The following FOXN3 variants were observed in gnomAD, a reference collection of about 807,000 sequenced individuals.
FOXN3 encodes forkhead box N3, also known as forkhead box protein N3.
In FOXN3, 7 loss-of-function variants were observed where a neutral mutation model predicts 38.4. The ratio of observed to expected loss-of-function variants is 0.18; its 90% CI spans 0.10 to 0.34. The LOEUF (loss-of-function observed/expected upper bound fraction) is 0.34. FOXN3 is among the 10% of genes least tolerant of loss of function. FOXN3 has a pLI of 1.00. For missense variants in FOXN3, 456 were observed against 613.4 expected, an observed-to-expected ratio of 0.74 and a Z score of 2.71; for synonymous variants, 230 against 242.2, an observed-to-expected ratio of 0.95 and a Z score of 0.47.
chr14:89,508,382 T>G (rs1002362752), intron 1 of FOXN3, among the ~76,000 whole-genome samples: 1 of 152,146 alleles, frequency 6.6e-6, no homozygotes, highest in Non-Finnish European at 1.5e-5. Flanking sequence ...AAAGAACATC[T>G]TCTCTGAGCA....
chr14:89,299,404 T>C (rs1027046971), intron 3 of FOXN3, among the ~76,000 whole-genome samples: 4 of 152,212 alleles, frequency 2.6e-5, no homozygotes, highest in African/African-American at 9.6e-5. Flanking sequence ...TTAAACCTCT[T>C]TCCTTTACAA....
intron 4 of FOXN3, among the ~76,000 whole-genome samples, chr14:89,278,361 T>C (rs1224894996): frequency 6.6e-6 from 1 of 152,038 alleles, no homozygotes; most frequent in Non-Finnish European, 1.5e-5. Context: ...ACCTAGGAAT[T>C]ATGGGAGCTA....
chr14:89,260,759 T>C (rs74814298), intron 4 of FOXN3, among the ~76,000 whole-genome samples: 7,767 of 152,344 alleles, frequency 0.051, 651 homozygotes, highest in African/African-American at 0.18. Flanking sequence ...CTGCCATTTG[T>C]ATGTTTGCAT....
chr14:89,282,872 T>C (rs548141044), intron 3 of FOXN3, among the ~76,000 whole-genome samples: 1 of 152,310 alleles, frequency 6.6e-6, no homozygotes, highest in East Asian at 1.9e-4. Flanking sequence ...TAAGGAAAAT[T>C]CTCTGTATGA....
In FOXN3 at chr14:89,163,960, C is replaced by T. The variant is rs963558720; in HGVS notation, c.852-991G>A. On this transcript the variant is annotated intron_variant, in intron 5 of 5. Coordinates refer to ENST00000557258, the MANE Select transcript of FOXN3 (RefSeq NM_005197.4). This position sits in a 1 kb window ranked among gnomAD's most constrained non-coding sequence, Gnocchi z 4.3. The stretch of plus-strand genomic sequence containing the variant: ...TAAGGCGTCTGTAGCACTCATCACA[C>T]CTCTGATTATTTCTTTGTGTCTTTA... Among the ~76,000 whole-genome samples, 1 of 152,240 alleles carries T rather than the reference C, an allele frequency of 6.6e-6. No individual in the cohort carries two copies. Among genetic ancestry groups the T allele is most frequent in the East Asian group, 1.9e-4 (1 of 5,194 alleles).
At chr14:89,405,492 G>A (rs538843705) in intron 2 of FOXN3, among the ~76,000 whole-genome samples, 14 of 152,188 alleles carry the variant, frequency 9.2e-5, no homozygotes, top group Middle Eastern at 3.4e-3. Context: ...GAGAGCAAAC[G>A]TGAAGAGAAC....
At chr14:89,231,753 T>G (rs903425034) in intron 4 of FOXN3, among the ~76,000 whole-genome samples, 4 of 152,064 alleles carry the variant, frequency 2.6e-5, no homozygotes, top group African/African-American at 9.7e-5. Context: ...CTGCCTACCT[T>G]GCGGTGCCTC....
At chr14:89,378,357 C>A (rs1423524787) in intron 2 of FOXN3, among the ~76,000 whole-genome samples, 1 of 152,174 alleles carries the variant, frequency 6.6e-6, no homozygotes. Context: ...GGCTCTCTCT[C>A]GTGCACCCAC....
intron 3 of FOXN3, among the ~76,000 whole-genome samples, chr14:89,325,104 T>C (rs1888011730): frequency 6.6e-6 from 1 of 152,104 alleles, no homozygotes; most frequent in African/African-American, 2.4e-5. Context: ...ATGTGGCTAG[T>C]GACTACACAG....
At chr14:89,480,929 T>C (rs1212216530) in intron 1 of FOXN3, among the ~76,000 whole-genome samples, 1 of 152,160 alleles carries the variant, frequency 6.6e-6, no homozygotes, top group African/African-American at 2.4e-5. Context: ...CCATGTTTCG[T>C]TCATTTTTCA....
intron 4 of FOXN3, among the ~76,000 whole-genome samples, chr14:89,219,963 A>G (rs894357612): frequency 6.6e-6 from 1 of 152,124 alleles, no homozygotes; most frequent in African/African-American, 2.4e-5. Flanking sequence ...AGAACTAATC[A>G]TCGGTCTGCA....
intron 3 of FOXN3, among the ~76,000 whole-genome samples, chr14:89,337,636 C>CTTTTTTT (rs5810454): frequency 6.9e-6 from 1 of 144,858 alleles, no homozygotes; most frequent in African/African-American, 2.5e-5. Context: ...CTTTTCTTTT[C>CTTTTTTT]TTTTTTTTTT....
chr14:89,513,501 T>C (rs550592474), intron 1 of FOXN3, among the ~76,000 whole-genome samples: 22 of 152,218 alleles, frequency 1.4e-4, no homozygotes, highest in African/African-American at 4.8e-4. Flanking sequence ...CAACTTCCCA[T>C]AGTGCTGGGA....
At chr14:89,206,225 C>G (rs1342995409) in intron 4 of FOXN3, among the ~76,000 whole-genome samples, 1 of 152,262 alleles carries the variant, frequency 6.6e-6, no homozygotes, top group Admixed American at 6.5e-5. Context: ...AGCACAAACA[C>G]TAAGTAAGTG....
intron 1 of FOXN3, among the ~76,000 whole-genome samples, chr14:89,556,743 A>G (rs1566698769): frequency 6.6e-6 from 1 of 152,108 alleles, no homozygotes; most frequent in Non-Finnish European, 1.5e-5. Flanking sequence ...GATTCAACCT[A>G]AGATATTGAT....
chr14:89,350,750 T>A lies in FOXN3; in HGVS notation c.602A>T (p.Gln201Leu). 6.2e-7 allele frequency: 1 copy of A among 1,605,662 alleles called. No individual in the cohort carries two copies. The highest frequency in any genetic ancestry group is 8.5e-7 in the Non-Finnish European group (1 of 1,176,938). Residue 201 changes from glutamine to leucine, a missense_variant, in exon 3 of 6, where the codon CAG (glutamine) becomes CTG (leucine). Gln to Leu is a moderately radical substitution (Grantham distance 113, BLOSUM62 -2). This residue lies in a region of FOXN3 where 386 missense variants were observed against 505.2 expected (regional missense o/e 0.76). Coordinates refer to ENST00000557258, the MANE Select transcript of FOXN3 (RefSeq NM_005197.4). Reference sequence around the variant, plus strand: ...GTGATAAGGTGTCTTTTTCAAAGCCTGAATTAGATTTTGTCTATACTCTGG... The same window carrying A: ...GTGATAAGGTGTCTTTTTCAAAGCCAGAATTAGATTTTGTCTATACTCTGG... ...IDPEYRQNLI[Q>L]ALKKTPYHPH... is the part of the protein sequence containing the mutation.
intron 2 of FOXN3, among the ~76,000 whole-genome samples, chr14:89,366,260 G>GAA (rs57036897): frequency 0.048 from 7,041 of 146,574 alleles, 379 homozygotes; most frequent in African/African-American, 0.14. Flanking sequence ...CTCAAAAAAA[G>GAA]AAAAAAAAAA....
chr14:89,613,416 C>T (rs78294009), intron 1 of FOXN3, among the ~76,000 whole-genome samples: 3 of 152,132 alleles, frequency 2.0e-5, no homozygotes, highest in Non-Finnish European at 4.4e-5. Flanking sequence ...CACCCTGGGA[C>T]GGTTCTGTTG....
chr14:89,374,203 G>A (rs1386456553), intron 2 of FOXN3, among the ~76,000 whole-genome samples: 1 of 130,164 alleles, frequency 7.7e-6, no homozygotes. Flanking sequence ...TGTCGAGGCT[G>A]CAGTGAGCCA....
Sources: allele counts gnomAD v4.1 joint callset (sites outside exome capture counted in the v4.1 genomes callset), GRCh38; gene constraint gnomAD v4.1.1; regional missense constraint gnomAD v4.1.1; non-coding constraint Gnocchi (gnomAD v3.1); transcripts MANE v1.5; gene names NCBI Gene and HGNC (gene_info 2026-07-23, HGNC 2026-07-21).